STATH: variants seen among roughly 807,000 people sequenced by gnomAD.
STATH encodes statherin.
A neutral mutation model predicts 13.3 loss-of-function variants in STATH; 11 were observed. That is an observed-to-expected ratio of 0.83 (90% CI 0.52 to 1.37). STATH has a LOEUF of 1.37. STATH is among the 40% of genes most tolerant of loss of function. The pLI is 0.00. For synonymous variants in STATH, 25 were observed against 23.6 expected (o/e 1.06, Z -0.17); for missense variants, 78 against 73.3 (o/e 1.06, Z -0.24).
chr4:70,002,421 C>T lies in STATH; in HGVS notation c.*266C>T, dbSNP rs1724692983. On this transcript the variant is annotated 3_prime_UTR_variant, in exon 6 of 6. Transcript: ENST00000246895. ...TGTTTCTGAATAATAGAAATCACTT[C>T]TCTAAAAGCAATAAATTTCAAGCAC... The T allele has an allele frequency of 6.6e-6, 1 of 151,690 alleles. No homozygotes were observed. The highest frequency in any genetic ancestry group is 1.5e-5 in the Non-Finnish European group (1 of 67,776). 9.4% of individuals were successfully genotyped at this position (151,690 alleles called of 1,614,324 possible).
chr4:69,997,730 G>A (rs1037216132), intron 1 of STATH, among the ~76,000 whole-genome samples: 6 of 152,014 alleles, frequency 3.9e-5, no homozygotes, highest in Admixed American at 2.6e-4. Flanking sequence ...GAGGAGGTAC[G>A]AATATTTTCT....
chr4:69,999,777 CAGAA>C lies in STATH; in HGVS notation c.73-1_75del. 6.2e-7 allele frequency: 1 copy of C among 1,612,028 alleles called. No homozygotes were observed. Among genetic ancestry groups the C allele is most frequent in the Non-Finnish European group, 8.5e-7 (1 of 1,178,878 alleles). On this transcript the variant is annotated splice_acceptor_variant and coding_sequence_variant, in exon 4 of 6. Coordinates refer to ENST00000246895, the MANE Select transcript of STATH (RefSeq NM_003154.3). LOFTEE classifies it high-confidence loss of function. ...TTATTAAACTTTTCTTCATTTTTCA[CAGAA>C]ATTTTTGCGTAGAATTGGAAGATTC...
chr4:70,002,477 T>C lies in STATH; in HGVS notation c.*322T>C, dbSNP rs1376612209. 6.6e-6 allele frequency: 1 copy of C among 151,870 alleles called. No individual in the cohort carries two copies. The highest frequency in any genetic ancestry group is 1.5e-5 in the Non-Finnish European group (1 of 67,774). The allele number at this position is 151,870 out of a possible 1,614,324, so 9.4% of individuals were successfully genotyped here. ...TACATGTATGCTCCTTATTTTTCTC[T>C]TTTCTATTTATAGGAATAATGATTT... On this transcript the variant is annotated 3_prime_UTR_variant, in exon 6 of 6. Transcript: ENST00000246895.
intron 1 of STATH, among the ~76,000 whole-genome samples, chr4:69,997,599 A>C (rs1479486257): frequency 6.6e-6 from 1 of 152,196 alleles, no homozygotes; most frequent in Non-Finnish European, 1.5e-5. Flanking sequence ...TTTAATAACA[A>C]AGGAACTGGG....
Position 69,999,694 on chromosome 4 carries a change from C to A in STATH, c.72+7C>A, listed in dbSNP as rs1342443112. On this transcript the variant is annotated splice_region_variant and intron_variant, in intron 3 of 5. Coordinates refer to ENST00000246895, the MANE Select transcript of STATH (RefSeq NM_003154.3). ...AGCTGATTCATCTGAAGAGGTGAGT[C>A]ATTTTCATTCACTGGAAAACTTGTT... The A allele has an allele frequency of 6.2e-7, 1 of 1,611,164 alleles. No homozygotes were observed. Among genetic ancestry groups the A allele is most frequent in the East Asian group, 2.2e-5 (1 of 44,730 alleles).
chr4:69,999,715 T>A, intron 3 of STATH, 28 bp downstream of exon 3: 1 of 1,611,566 alleles, frequency 6.2e-7, no homozygotes, highest in Non-Finnish European at 8.5e-7. Flanking sequence ...ACTGGAAAAC[T>A]TGTTTTCAGT....
At chr4:70,000,022 A>G in intron 4 of STATH, 1 of 567,894 alleles carries the variant, frequency 1.8e-6, no homozygotes, top group Non-Finnish European at 3.1e-6. Context: ...AACCTGAAGA[A>G]ACCAGTTACT....
intron 1 of STATH, 119 bp from the exon 2 acceptor site, chr4:69,998,304 T>A: frequency 1.5e-6 from 1 of 684,462 alleles, no homozygotes; most frequent in Non-Finnish European, 2.5e-6. Context: ...CAATGGGTTT[T>A]AATTGTCTTT....
rs1724564078 is a variant in STATH at position 69,998,385 on chromosome 4, G to C, written c.-15-38G>C. The C allele has an allele frequency of 3.9e-6, 6 of 1,549,180 alleles. No homozygotes were observed. The South Asian group carries it at 4.5e-5, about 12-fold the overall frequency. On this transcript the variant is annotated intron_variant, in intron 1 of 5. Coordinates refer to ENST00000246895, the MANE Select transcript of STATH (RefSeq NM_003154.3). ...ATAAACTTTTGATGGGCGAATGCAA[G>C]AAAAAATGTGATACTGAATTTCCAC...
In STATH at chr4:70,001,405, G is replaced by T. The variant is rs537024979; in HGVS notation, c.*33+423G>T. On this transcript the variant is annotated intron_variant, in intron 5 of 5. Coordinates refer to ENST00000246895, the MANE Select transcript of STATH (RefSeq NM_003154.3). ...GTAGTTATAACTGCAGGGCTTCCCTGCCACTAAATCTGTACCTAGGTGTTG... is the reference window on the plus strand; with the variant it reads ...GTAGTTATAACTGCAGGGCTTCCCTTCCACTAAATCTGTACCTAGGTGTTG... Among the ~76,000 whole-genome samples the T allele has an allele frequency of 6.6e-5, 10 of 151,946 alleles. No homozygotes were observed. The South Asian group carries it at 2.1e-3, about 31-fold the overall frequency.
intron 2 of STATH, 63 bp downstream of exon 2, chr4:69,998,551 C>T: frequency 7.0e-7 from 1 of 1,419,608 alleles, no homozygotes; most frequent in Non-Finnish European, 9.8e-7. Context: ...TCTCTCTATT[C>T]CTTGTGTTCT....
chr4:69,999,691 A>G lies in STATH; in HGVS notation c.72+4A>G. On this transcript the variant is annotated splice_donor_region_variant and intron_variant, in intron 3 of 5. Coordinates refer to ENST00000246895, the MANE Select transcript of STATH (RefSeq NM_003154.3). ...GGGAGCTGATTCATCTGAAGAGGTGAGTCATTTTCATTCACTGGAAAACTT... is the reference window on the plus strand; with the variant it reads ...GGGAGCTGATTCATCTGAAGAGGTGGGTCATTTTCATTCACTGGAAAACTT... 1.2e-6 allele frequency: 2 copies of G among 1,611,304 alleles called. No homozygotes were observed. Among genetic ancestry groups the G allele is most frequent in the Non-Finnish European group, 1.7e-6 (2 of 1,178,806 alleles).
Position 69,999,780 on chromosome 4 carries a change from AAATTTTTGCGTAG to A in STATH, c.78_90del (p.Phe26LeufsTer42). 1 of 1,612,132 alleles carries A rather than the reference AAATTTTTGCGTAG, an allele frequency of 6.2e-7. No individual in the cohort carries two copies. The highest frequency in any genetic ancestry group is 8.5e-7 in the Non-Finnish European group (1 of 1,178,918). On this transcript the variant is annotated frameshift_variant and splice_region_variant, in exon 4 of 6. Transcript: ENST00000246895. LOFTEE classifies it high-confidence loss of function. The stretch of plus-strand genomic sequence containing the variant: ...TTAAACTTTTCTTCATTTTTCACAG[AAATTTTTGCGTAG>A]AATTGGAAGATTCGGTGTAAGTGTT...
chr4:70,001,401 C>T (rs991407037), intron 5 of STATH, among the ~76,000 whole-genome samples: 11 of 151,842 alleles, frequency 7.2e-5, no homozygotes, highest in Non-Finnish European at 8.8e-5. Context: ...TGCAGGGCTT[C>T]CCTGCCACTA....
chr4:70,000,669 A>C lies in STATH; in HGVS notation c.103-194A>C, dbSNP rs145959499. 59 of 564,524 alleles carry C rather than the reference A, an allele frequency of 1.0e-4. 1 individual carries two copies. The African/African-American group carries it at 1.1e-3, about 10-fold the overall frequency. 35.0% of individuals were successfully genotyped at this position (564,524 alleles called of 1,614,324 possible). A position where few individuals can be genotyped will look rare whatever the true frequency, so the allele number is the denominator to read the frequency against. On this transcript the variant is annotated intron_variant, in intron 4 of 5. Coordinates refer to ENST00000246895, the MANE Select transcript of STATH (RefSeq NM_003154.3). Reference sequence around the variant, plus strand: ...CTGTGAACATGCAGTACAAAGGTAAACACTCAATCATTTTTACCTGCTTTT... The same window carrying C: ...CTGTGAACATGCAGTACAAAGGTAACCACTCAATCATTTTTACCTGCTTTT...
In STATH at chr4:69,995,983, C is replaced by A. The variant is rs2109678481; in HGVS notation, c.-58C>A. On this transcript the variant is annotated 5_prime_UTR_variant, in exon 1 of 6. Coordinates refer to ENST00000246895, the MANE Select transcript of STATH (RefSeq NM_003154.3). ...GGTAGCACATCATCTCTTGAAGCTT[C>A]ACTTCAACTTCACTACTTCTGTAGT... 6.6e-6 allele frequency: 1 copy of A among 152,288 alleles called. No homozygotes were observed. The highest frequency in any genetic ancestry group is 1.9e-4 in the East Asian group (1 of 5,186). The allele number at this position is 152,288 out of a possible 1,614,324, so 9.4% of individuals were successfully genotyped here.
intron 2 of STATH, 45 bp downstream of exon 2, chr4:69,998,533 C>T: frequency 6.6e-7 from 1 of 1,513,184 alleles, no homozygotes; most frequent in Non-Finnish European, 9.1e-7. Flanking sequence ...CAGTACCTAT[C>T]CCAAGAGTCT....
chr4:69,998,724 A>G, intron 2 of STATH: 1 of 336,556 alleles, frequency 3.0e-6, no homozygotes, highest in Non-Finnish European at 5.4e-6. Context: ...GAAATAAAAG[A>G]AAGTTTTACT....
intron 1 of STATH, among the ~76,000 whole-genome samples, chr4:69,997,178 A>C (rs945896063): frequency 1.3e-5 from 2 of 151,816 alleles, no homozygotes; most frequent in East Asian, 3.9e-4. Flanking sequence ...ACTCCTGACC[A>C]CAGGTGATCT....
Sources: allele counts gnomAD v4.1 joint callset (sites outside exome capture counted in the v4.1 genomes callset), GRCh38; gene constraint gnomAD v4.1.1; transcripts MANE v1.5; gene names NCBI Gene and HGNC (gene_info 2026-07-23, HGNC 2026-07-21).